Variants in FRMD4A observed in about 807,000 individuals in gnomAD.
The protein encoded by FRMD4A is FERM domain-containing protein 4A.
Under a neutral mutation model 129.1 loss-of-function variants are expected in FRMD4A, and 29 were observed. The ratio of observed to expected loss-of-function variants is 0.22; its 90% CI spans 0.17 to 0.31. The LOEUF is 0.31. Ranked by LOEUF, FRMD4A falls within the 10% of genes least tolerant of loss-of-function variation. FRMD4A has a pLI of 1.00. For synonymous variants in FRMD4A, 634 were observed against 571.6 expected (o/e 1.11, Z -1.56); for missense variants, 1,272 against 1,375.8 (o/e 0.92, Z 1.19).
Position 13,666,345 on chromosome 10 carries a change from G to T in FRMD4A, c.1375-20C>A. 2 of 1,565,654 alleles carry T rather than the reference G, an allele frequency of 1.3e-6. No homozygotes were observed. The highest frequency in any genetic ancestry group is 1.8e-6 in the Non-Finnish European group (2 of 1,136,374). On this transcript the variant is annotated intron_variant, in intron 17 of 24. Coordinates refer to ENST00000357447, the MANE Select transcript of FRMD4A (RefSeq NM_018027.5). ...AGCTTCCTGTGGGAGGGAAAGCACCGGTTTGGGTTACTGGGGATGCTGAGC... is the reference window on the plus strand; with the variant it reads ...AGCTTCCTGTGGGAGGGAAAGCACCTGTTTGGGTTACTGGGGATGCTGAGC...
intron 2 of FRMD4A, among the ~76,000 whole-genome samples, chr10:14,207,418 C>T (rs7078954): frequency 0.34 from 52,201 of 151,810 alleles, 9,028 homozygotes; most frequent in East Asian, 0.44. Context: ...CACTATCAGG[C>T]AGAATCAGTG....
chr10:14,161,619 C>T lies in FRMD4A; in HGVS notation c.45+168439G>A, dbSNP rs549074266. 4.6e-5 allele frequency among the ~76,000 whole-genome samples: 7 copies of T among 152,104 alleles called. 1 individual carries two copies. In the East Asian group the frequency reaches 5.8e-4, roughly 13 times the overall value. ...ATGTGGGAACTAAAATAGTTGATCT[C>T]GTAGAGACAGAGAGTAGCATAATAC... On this transcript the variant is annotated intron_variant, in intron 2 of 24. Transcript: ENST00000357447.
At chr10:13,905,369 A>G (rs2094871269) in intron 2 of FRMD4A, among the ~76,000 whole-genome samples, 1 of 152,128 alleles carries the variant, frequency 6.6e-6, no homozygotes, top group South Asian at 2.1e-4. Flanking sequence ...TTGTTCATGT[A>G]CTTTTAACTT....
chr10:13,847,288 A>G (rs12413186), intron 3 of FRMD4A, among the ~76,000 whole-genome samples: 1,574 of 152,308 alleles, frequency 0.01, 55 homozygotes, highest in South Asian at 0.06. Context: ...AATCTTCCAC[A>G]TGGCTTTGAC....
chr10:14,219,229 T>A (rs1264571219), intron 2 of FRMD4A, among the ~76,000 whole-genome samples: 1 of 152,152 alleles, frequency 6.6e-6, no homozygotes, highest in South Asian at 2.1e-4. Flanking sequence ...GTTCCCTTTG[T>A]GACCACAGGC....
chr10:14,275,614 G>GT (rs930796809), intron 2 of FRMD4A, among the ~76,000 whole-genome samples: 5 of 152,292 alleles, frequency 3.3e-5, no homozygotes, highest in South Asian at 4.1e-4. Flanking sequence ...TCGTTTTAAA[G>GT]TTTTTTTCCT....
At chr10:13,894,042 C>T (rs1256185579) in intron 2 of FRMD4A, among the ~76,000 whole-genome samples, 1 of 152,142 alleles carries the variant, frequency 6.6e-6, no homozygotes, top group Admixed American at 6.6e-5. Flanking sequence ...ATTTCCCTCC[C>T]TCCTTTCTCT....
At chr10:13,973,954 G>C (rs1160210334) in intron 2 of FRMD4A, among the ~76,000 whole-genome samples, 1 of 151,926 alleles carries the variant, frequency 6.6e-6, no homozygotes, top group Non-Finnish European at 1.5e-5. Context: ...CCAACCTCTG[G>C]AGATCTTGGC....
chr10:14,239,072 C>T (rs1202402067), intron 2 of FRMD4A, among the ~76,000 whole-genome samples: 3 of 152,162 alleles, frequency 2.0e-5, no homozygotes, highest in Non-Finnish European at 2.9e-5. Flanking sequence ...TTAGGCTTGA[C>T]ATTTCACCCT....
intron 2 of FRMD4A, among the ~76,000 whole-genome samples, chr10:14,057,221 T>C (rs368094763): frequency 2.6e-5 from 4 of 152,354 alleles, no homozygotes; most frequent in Admixed American, 6.5e-5. Context: ...CTCTTGGTTG[T>C]GGCAACACAA....
At chr10:13,765,114 G>A (rs78265989) in intron 6 of FRMD4A, among the ~76,000 whole-genome samples, 1 of 105,510 alleles carries the variant, frequency 9.5e-6, no homozygotes, top group Admixed American at 1.1e-4. Flanking sequence ...TTTTTTTTTT[G>A]TTTTTTTTTT....
At chr10:14,153,779 T>C (rs1238306024) in intron 2 of FRMD4A, among the ~76,000 whole-genome samples, 1 of 152,176 alleles carries the variant, frequency 6.6e-6, no homozygotes, top group Non-Finnish European at 1.5e-5. Context: ...TGGCAGAAAG[T>C]CGGAGGGCAG....
At chr10:13,743,723 CTCCA>C (rs2091139533) in intron 9 of FRMD4A, among the ~76,000 whole-genome samples, 1 of 152,140 alleles carries the variant, frequency 6.6e-6, no homozygotes, top group Non-Finnish European at 1.5e-5. Context: ...TAATTGCCTT[CTCCA>C]TCCTCAGCTT....
At chr10:13,959,977 C>A (rs905467544) in intron 2 of FRMD4A, among the ~76,000 whole-genome samples, 9 of 152,172 alleles carry the variant, frequency 5.9e-5, no homozygotes, top group African/African-American at 1.4e-4. Flanking sequence ...CCAGAACAGG[C>A]AAATCACAAA....
chr10:13,904,405 C>T (rs2094856932), intron 2 of FRMD4A, among the ~76,000 whole-genome samples: 1 of 152,206 alleles, frequency 6.6e-6, no homozygotes, highest in Non-Finnish European at 1.5e-5. Context: ...GGAAGCCTTC[C>T]CCGAGGTTCC....
chr10:14,230,589 C>T (rs981400058), intron 2 of FRMD4A, among the ~76,000 whole-genome samples: 3 of 152,088 alleles, frequency 2.0e-5, no homozygotes, highest in Admixed American at 6.6e-5. Context: ...ACTCTTAATT[C>T]CTGACGAGAA....
intron 2 of FRMD4A, among the ~76,000 whole-genome samples, chr10:14,271,081 T>C (rs1845148612): frequency 6.6e-6 from 1 of 152,020 alleles, no homozygotes; most frequent in Non-Finnish European, 1.5e-5. Context: ...AGGGACAAGA[T>C]TGGTGGGTGC....
chr10:13,913,774 GT>G (rs1297458592), intron 2 of FRMD4A, among the ~76,000 whole-genome samples: 2 of 152,206 alleles, frequency 1.3e-5, no homozygotes, highest in African/African-American at 4.8e-5. Context: ...TAAGGATACA[GT>G]TAGTGAACAA....
At chr10:14,025,537 T>C (rs979077825) in intron 2 of FRMD4A, among the ~76,000 whole-genome samples, 13 of 152,234 alleles carry the variant, frequency 8.5e-5, no homozygotes, top group African/African-American at 3.1e-4. Context: ...TTTAAGGCAG[T>C]CTGCTAGTCT....
Sources: allele counts gnomAD v4.1 joint callset (sites outside exome capture counted in the v4.1 genomes callset), GRCh38; gene constraint gnomAD v4.1.1; transcripts MANE v1.5; gene names NCBI Gene and HGNC (gene_info 2026-07-23, HGNC 2026-07-21).